The following ZNF503 variants were observed in gnomAD, a reference collection of about 807,000 sequenced individuals.
The protein encoded by ZNF503 is NocA-like zinc finger 2.
A neutral mutation model predicts 34.4 loss-of-function variants in ZNF503; 15 were observed. The ratio of observed to expected loss-of-function variants is 0.44; its 90% CI spans 0.29 to 0.67. ZNF503 has a LOEUF of 0.67. Among genes scored for constraint, ZNF503 ranks in the 30% least tolerant of loss-of-function variants. The pLI, the probability that ZNF503 is intolerant of heterozygous loss-of-function variation, is 0.13. For synonymous variants in ZNF503, 580 were observed against 456.8 expected, an observed-to-expected ratio of 1.27 and a Z score of -3.44; for missense variants, 1,007 against 926.8, an observed-to-expected ratio of 1.09 and a Z score of -1.12.
the ZNF503 span, among the ~76,000 whole-genome samples, chr10:75,336,536 G>A: frequency 2.7e-3 from 408 of 152,262 alleles, 2 homozygotes; most frequent in African/African-American, 9.0e-3. Context: ...GTAGGGAATT[G>A]CACTCACTTT....
chr10:75,396,271 G>A (rs1306601396), downstream of ZNF503, among the ~76,000 whole-genome samples: 1 of 152,094 alleles, frequency 6.6e-6, no homozygotes, highest in African/African-American at 2.4e-5. The surrounding 1 kb of genome is among the most constrained non-coding windows in gnomAD (Gnocchi z 4.4). Context: ...GGCGTCCGAA[G>A]ACGCTGCGGG....
the ZNF503 span, among the ~76,000 whole-genome samples, chr10:75,329,410 C>A: frequency 3.0e-5 from 2 of 65,782 alleles, no homozygotes; most frequent in Non-Finnish European, 6.9e-5. Flanking sequence ...TCCTTCCTTC[C>A]TTCCTTTCCT....
the ZNF503 span, among the ~76,000 whole-genome samples, chr10:75,346,391 C>T: frequency 6.6e-6 from 1 of 151,752 alleles, no homozygotes; most frequent in Non-Finnish European, 1.5e-5. Flanking sequence ...CTCTTCTCTT[C>T]TTTTCCTTTT....
At chr10:75,393,468 A>T (rs1216760333), downstream of ZNF503, among the ~76,000 whole-genome samples, 1 of 152,188 alleles carries the variant, frequency 6.6e-6, no homozygotes, top group East Asian at 1.9e-4. Flanking sequence ...TAGCGAGGAA[A>T]TAAGGTTGCC....
chr10:75,361,034 C>T, the ZNF503 span: 1 of 152,212 alleles, frequency 6.6e-6, no homozygotes, highest in African/African-American at 2.4e-5. Flanking sequence ...GGGCCTGAAG[C>T]CAGAGGCTCT....
chr10:75,283,584 G>A, the ZNF503 span, among the ~76,000 whole-genome samples: 11 of 152,162 alleles, frequency 7.2e-5, no homozygotes, highest in African/African-American at 2.4e-4. Flanking sequence ...ACAGAGTGCA[G>A]GGAGGGAGCA....
chr10:75,391,239 T>C, the ZNF503 span, among the ~76,000 whole-genome samples: 1 of 152,160 alleles, frequency 6.6e-6, no homozygotes, highest in Non-Finnish European at 1.5e-5. Flanking sequence ...GCCAAGTGAC[T>C]CAACTCTACA....
the ZNF503 span, among the ~76,000 whole-genome samples, chr10:75,347,848 AC>A: frequency 6.6e-6 from 1 of 151,840 alleles, no homozygotes; most frequent in Non-Finnish European, 1.5e-5. Context: ...CCACCCAGTT[AC>A]TCCCTTCTTC....
chr10:75,363,710 A>G, the ZNF503 span, among the ~76,000 whole-genome samples: 1 of 152,238 alleles, frequency 6.6e-6, no homozygotes, highest in African/African-American at 2.4e-5. Flanking sequence ...TAAGTTTGAC[A>G]GTCATCCCAG....
chr10:75,328,134 G>A, the ZNF503 span, among the ~76,000 whole-genome samples: 1 of 152,044 alleles, frequency 6.6e-6, no homozygotes, highest in Non-Finnish European at 1.5e-5. Context: ...TTTGCGTGTT[G>A]CTTATGCTTT....
the ZNF503 span, among the ~76,000 whole-genome samples, chr10:75,347,786 C>G: frequency 6.6e-6 from 1 of 152,194 alleles, no homozygotes; most frequent in Non-Finnish European, 1.5e-5. Context: ...AAAAGTCCTC[C>G]CAAATAATGA....
chr10:75,295,384 C>G, the ZNF503 span: 1 of 152,278 alleles, frequency 6.6e-6, no homozygotes, highest in Non-Finnish European at 1.5e-5. The surrounding 1 kb of genome is among the most constrained non-coding windows in gnomAD (Gnocchi z 4.0). Context: ...GCGAAACTTG[C>G]AACCGTCCAG....
the ZNF503 span, among the ~76,000 whole-genome samples, chr10:75,374,897 T>C: frequency 1.3e-5 from 2 of 152,186 alleles, 1 homozygote; most frequent in Admixed American, 1.3e-4. Flanking sequence ...GTCCCCAAGC[T>C]TGGCTAGAAT....
At chr10:75,401,003 C>T in intron 1 of ZNF503, 102 bp downstream of exon 1, 2 of 1,520,048 alleles carry the variant, frequency 1.3e-6, no homozygotes, top group South Asian at 2.4e-5. Flanking sequence ...GGAGCTGAAT[C>T]ACTCCGACCC....
the ZNF503 span, among the ~76,000 whole-genome samples, chr10:75,391,737 G>GT: frequency 4.6e-4 from 69 of 150,530 alleles, 1 homozygote; most frequent in Admixed American, 7.3e-4. Flanking sequence ...TCTGTCTTTT[G>GT]TTTTTTTTTC....
chr10:75,379,642 A>T, the ZNF503 span, among the ~76,000 whole-genome samples: 4 of 152,208 alleles, frequency 2.6e-5, no homozygotes, highest in Non-Finnish European at 5.9e-5. Context: ...GATCTTCAGG[A>T]ACACTGGAAT....
chr10:75,393,141 C>T (rs964471936), downstream of ZNF503, among the ~76,000 whole-genome samples: 1 of 152,222 alleles, frequency 6.6e-6, no homozygotes, highest in East Asian at 1.9e-4. Flanking sequence ...AGCCCAGATA[C>T]CCCCTGGGCT....
At chr10:75,353,815 AC>A in the ZNF503 span, among the ~76,000 whole-genome samples, 1 of 152,036 alleles carries the variant, frequency 6.6e-6, no homozygotes, top group African/African-American at 2.4e-5. Context: ...CTCTCCTCTC[AC>A]CCCAAGATCC....
At chr10:75,326,611 CTTTT>C in the ZNF503 span, among the ~76,000 whole-genome samples, 80 of 149,824 alleles carry the variant, frequency 5.3e-4, no homozygotes, top group Non-Finnish European at 8.3e-4. Context: ...GGCAATCTTC[CTTTT>C]TTTTTGTTTG....
Sources: allele counts gnomAD v4.1 joint callset (sites outside exome capture counted in the v4.1 genomes callset), GRCh38; gene constraint gnomAD v4.1.1; non-coding constraint Gnocchi (gnomAD v3.1); transcripts MANE v1.5; gene names NCBI Gene and HGNC (gene_info 2026-07-23, HGNC 2026-07-21).